MUSK: variants seen among roughly 807,000 people sequenced by gnomAD.
MUSK encodes muscle, skeletal receptor tyrosine-protein kinase.
MUSK carries 55 observed loss-of-function variants against 88.7 expected under a neutral mutation model. That is an observed-to-expected ratio of 0.62 (90% CI 0.50 to 0.78). MUSK has a LOEUF of 0.78. Ranked by LOEUF, MUSK falls within the 30% of genes least tolerant of loss-of-function variation. The pLI is 0.00. For missense variants in MUSK, 1,015 were observed against 1,074.3 expected (o/e 0.94, Z 0.77); for synonymous variants, 387 against 391.9 (o/e 0.99, Z 0.15).
At chr9:110,788,558 G>A (rs573648889) in intron 14 of MUSK, among the ~76,000 whole-genome samples, 14 of 151,760 alleles carry the variant, frequency 9.2e-5, no homozygotes, top group East Asian at 1.9e-4. Flanking sequence ...CTTACACCGG[G>A]GGGGCAGAGG....
chr9:110,791,201 G>A (rs866141724), intron 14 of MUSK, among the ~76,000 whole-genome samples: 227 of 146,046 alleles, frequency 1.6e-3, no homozygotes, highest in Non-Finnish European at 2.9e-3. Context: ...CTGAGGTACC[G>A]GGTTCATCTC....
intron 5 of MUSK, among the ~76,000 whole-genome samples, chr9:110,722,415 A>C (rs888972942): frequency 2.9e-4 from 44 of 152,052 alleles, no homozygotes; most frequent in African/African-American, 9.7e-4. Flanking sequence ...CTGTAGTCTC[A>C]GCTGCCCTGG....
rs552877717 is a variant in MUSK, at chr9:110,745,297, G to T, written c.754-2344G>T. Among the ~76,000 whole-genome samples, 28 of 152,258 alleles carry T rather than the reference G, an allele frequency of 1.8e-4. No individual in the cohort carries two copies. In the East Asian group the frequency reaches 5.0e-3, roughly 27 times the overall value. On this transcript the variant is annotated intron_variant, in intron 6 of 14. Transcript: ENST00000374448. ...AGGTGTTTAAGAATGACTTTCTTAG[G>T]TGTGAACATGAAAACAGTGGGACTT... is the stretch of plus-strand genomic sequence containing the variant.
At chr9:110,681,063 A>AT (rs2076115139) in intron 1 of MUSK, among the ~76,000 whole-genome samples, 4 of 20,476 alleles carry the variant, frequency 2.0e-4, no homozygotes, top group East Asian at 7.8e-4. Flanking sequence ...TATATTATAT[A>AT]TATAATATTA....
intron 5 of MUSK, among the ~76,000 whole-genome samples, chr9:110,709,510 T>G (rs529419108): frequency 6.8e-4 from 104 of 152,264 alleles, no homozygotes; most frequent in African/African-American, 2.3e-3. Context: ...CTTCATAAAT[T>G]GAAGAATGTA....
Position 110,762,228 on chromosome 9 carries a change from A to G in MUSK, c.920+20A>G, listed in dbSNP as rs749734290. On this transcript the variant is annotated intron_variant, in intron 8 of 14. Transcript: ENST00000374448. The stretch of plus-strand genomic sequence containing the variant: ...ATGGAGGTAAGAAACTGTTATTGTA[A>G]CAATTGTTTCCAATGTTTTGTTTTG... 1 of 1,413,982 alleles carries G rather than the reference A, an allele frequency of 7.1e-7. No homozygotes were observed. Among genetic ancestry groups the G allele is most frequent in the Non-Finnish European group, 9.3e-7 (1 of 1,076,814 alleles). 87.6% of individuals were successfully genotyped at this position (1,413,982 alleles called of 1,614,324 possible). A position where few individuals can be genotyped will look rare whatever the true frequency, so the allele number is the denominator to read the frequency against.
At chr9:110,676,343 C>T (rs866997509) in intron 1 of MUSK, among the ~76,000 whole-genome samples, 19 of 112,760 alleles carry the variant, frequency 1.7e-4, no homozygotes, top group African/African-American at 5.3e-4. Context: ...CATACACACA[C>T]ATATATTATA....
intron 8 of MUSK, 86 bp from the exon 9 acceptor site, chr9:110,767,734 A>G: frequency 6.8e-7 from 1 of 1,479,766 alleles, no homozygotes; most frequent in Non-Finnish European, 9.4e-7. Context: ...TGAGACACAG[A>G]TGTGAAAACC....
intron 5 of MUSK, among the ~76,000 whole-genome samples, chr9:110,705,887 C>T (rs1204080767): frequency 6.6e-6 from 1 of 152,184 alleles, no homozygotes; most frequent in African/African-American, 2.4e-5. Context: ...GACCAGGGAA[C>T]ATCTTATTGT....
At chr9:110,747,963 T>C in intron 7 of MUSK, 163 bp downstream of exon 7, 1 of 1,015,396 alleles carries the variant, frequency 9.8e-7, no homozygotes, top group Non-Finnish European at 1.5e-6. Flanking sequence ...GTGACCTAGA[T>C]ATGGATTTTG....
chr9:110,670,709 T>C (rs2075946407), intron 1 of MUSK, among the ~76,000 whole-genome samples: 1 of 152,176 alleles, frequency 6.6e-6, no homozygotes. Context: ...TCTTATAATT[T>C]ATTTACTACT....
At chr9:110,762,229 CA>C (rs1243701597) in intron 8 of MUSK, 21 bp downstream of exon 8, 3 of 1,404,562 alleles carry the variant, frequency 2.1e-6, no homozygotes, top group African/African-American at 3.1e-5. Flanking sequence ...GTTATTGTAA[CA>C]ATTGTTTCCA....
chr9:110,693,735 T>G (rs939045283), intron 3 of MUSK, among the ~76,000 whole-genome samples: 2 of 152,228 alleles, frequency 1.3e-5, no homozygotes, highest in African/African-American at 4.8e-5. Context: ...AGGAGATTTT[T>G]GCTTTAAGCA....
At chr9:110,690,011 A>G (rs1163003084) in intron 3 of MUSK, among the ~76,000 whole-genome samples, 1 of 93,352 alleles carries the variant, frequency 1.1e-5, no homozygotes, top group Non-Finnish European at 1.8e-5. Context: ...TATATTATAA[A>G]TATATAATAT....
At chr9:110,725,617 C>G (rs2131816458) in intron 5 of MUSK, among the ~76,000 whole-genome samples, 1 of 152,068 alleles carries the variant, frequency 6.6e-6, no homozygotes, top group Non-Finnish European at 1.5e-5. Context: ...GAAAATGCCC[C>G]ACTAATGCAA....
chr9:110,722,922 ATTG>A (rs1194573669), intron 5 of MUSK, among the ~76,000 whole-genome samples: 1 of 152,136 alleles, frequency 6.6e-6, no homozygotes, highest in Admixed American at 6.6e-5. Flanking sequence ...ACACTTTTAT[ATTG>A]TTGTTGGGAA....
intron 5 of MUSK, among the ~76,000 whole-genome samples, chr9:110,726,497 C>G (rs1005016991): frequency 1.1e-4 from 16 of 152,002 alleles, no homozygotes; most frequent in Non-Finnish European, 2.4e-4. Flanking sequence ...CAGAATTGAC[C>G]TGCAGTTGCC....
intron 6 of MUSK, among the ~76,000 whole-genome samples, chr9:110,739,998 AATCGG>A (rs1354484765): frequency 2.6e-5 from 4 of 152,128 alleles, no homozygotes; most frequent in Non-Finnish European, 5.9e-5. Flanking sequence ...AAGTGTCCCA[AATCGG>A]GACACTTTAA....
chr9:110,755,407 A>G (rs2077297991), intron 7 of MUSK, among the ~76,000 whole-genome samples: 2 of 152,228 alleles, frequency 1.3e-5, no homozygotes, highest in South Asian at 2.1e-4. Flanking sequence ...ACCTGAGGCT[A>G]TATGTGTAAC....
Sources: gnomAD v4.1 joint callset for allele counts (sites outside exome capture counted in the v4.1 genomes callset) on GRCh38, gnomAD v4.1.1 for gene constraint, MANE v1.5 for transcripts, NCBI Gene and HGNC (gene_info 2026-07-23, HGNC 2026-07-21) for gene names.